Variants in PPEF2 observed in about 807,000 individuals in gnomAD.
PPEF2 encodes the protein serine/threonine-protein phosphatase with EF-hands 2.
PPEF2 carries 84 observed loss-of-function variants against 84.7 expected under a neutral mutation model. That is an observed-to-expected ratio of 0.99 (90% CI 0.83 to 1.19). The LOEUF (loss-of-function observed/expected upper bound fraction) is 1.19, where lower values mean the gene tolerates loss of function less well. Ranked by LOEUF, PPEF2 falls within the 50% of genes most tolerant of loss-of-function variation. The pLI, the probability that PPEF2 is intolerant of heterozygous loss-of-function variation, is 0.00. For missense variants in PPEF2, 924 were observed against 937.5 expected, an observed-to-expected ratio of 0.99 and a Z score of 0.19; for synonymous variants, 346 against 345.2, an observed-to-expected ratio of 1.00 and a Z score of -0.03.
At chr4:75,896,958 C>A (rs569613208) in intron 1 of PPEF2, among the ~76,000 whole-genome samples, 4 of 152,070 alleles carry the variant, frequency 2.6e-5, no homozygotes, top group Non-Finnish European at 4.4e-5. Flanking sequence ...AATCTTGGCT[C>A]CCTGCGAGCT....
intron 7 of PPEF2, among the ~76,000 whole-genome samples, chr4:75,885,249 G>A (rs1306900188): frequency 1.3e-5 from 2 of 152,046 alleles, no homozygotes; most frequent in Non-Finnish European, 2.9e-5. Context: ...AATAGCTTTT[G>A]GTTGTTTTGA....
intron 10 of PPEF2, among the ~76,000 whole-genome samples, chr4:75,877,265 A>G (rs1239379023): frequency 6.6e-6 from 1 of 151,926 alleles, no homozygotes; most frequent in Non-Finnish European, 1.5e-5. Context: ...TGAACCCGGG[A>G]GGCGGAGGTT....
Position 75,864,521 on chromosome 4 carries a change from G to C in PPEF2, c.1927C>G (p.Gln643Glu). ...AKEQLSRENI[Q>E]SSLLETLYRN... ...TACAATGTTTCCAGCAAACTTGATT[G>C]TATGTTCTGCAAGAAAAAATTCATT... The change falls in exon 16 of 17, where the codon CAA (glutamine) becomes GAA (glutamate). Residue 643 changes from glutamine to glutamate, a missense_variant. Coordinates refer to ENST00000286719, the MANE Select transcript of PPEF2 (RefSeq NM_006239.3). The C allele has an allele frequency of 6.2e-7, 1 of 1,610,652 alleles. No individual in the cohort carries two copies. Among genetic ancestry groups the C allele is most frequent in the East Asian group, 2.2e-5 (1 of 44,832 alleles).
chr4:75,872,991 T>C (rs149712092), intron 12 of PPEF2, 136 bp downstream of exon 12: 12 of 802,110 alleles, frequency 1.5e-5, no homozygotes, highest in Admixed American at 3.1e-5. Context: ...AAGGACCTAG[T>C]TGCTTTGAGC....
At chr4:75,880,080 G>C (rs893358282) in intron 10 of PPEF2, among the ~76,000 whole-genome samples, 1 of 152,004 alleles carries the variant, frequency 6.6e-6, no homozygotes, top group Non-Finnish European at 1.5e-5. Context: ...CGCCCGCCTC[G>C]GCCTCCCAAA....
At position 75,891,784 on chromosome 4, in the gene PPEF2, T is replaced by C. The variant is rs538649815; in HGVS notation, c.183+67A>G. 47 of 1,597,014 alleles carry C rather than the reference T, an allele frequency of 2.9e-5. No individual in the cohort carries two copies. In the African/African-American group the frequency reaches 5.8e-4, roughly 20 times the overall value. On this transcript the variant is annotated intron_variant, in intron 3 of 16. Transcript: ENST00000286719. ...ACAAGTAGTCCAGTTGGCCTCACTT[T>C]AGGAGCACCCGAGCCCTGCTGCCCA...
chr4:75,888,018 C>T (rs1235340916), intron 6 of PPEF2, among the ~76,000 whole-genome samples, 196 bp downstream of exon 6: 1 of 152,144 alleles, frequency 6.6e-6, no homozygotes, highest in African/African-American at 2.4e-5. Context: ...GCCCTGAGGT[C>T]CATGATCCCC....
intron 1 of PPEF2, among the ~76,000 whole-genome samples, chr4:75,897,494 C>G (rs1463923183): frequency 3.3e-5 from 5 of 152,086 alleles, no homozygotes; most frequent in African/African-American, 1.2e-4. Flanking sequence ...CCAAACAGAA[C>G]CCATCTTCCA....
In PPEF2 at chr4:75,860,898, G is replaced by A. The variant is rs1224583330; in HGVS notation, c.2031C>T (p.Phe677=). Residue 677 remains phenylalanine, a synonymous_variant, in exon 17 of 17, where the codon TTC becomes TTT. Transcript: ENST00000286719. ...AGCTGAACAGCTTCCAGGTCTGCCTGAACTCGTCCAGTGAGATGAACCCTT... is the reference window on the plus strand; with the variant it reads ...AGCTGAACAGCTTCCAGGTCTGCCTAAACTCGTCCAGTGAGATGAACCCTT... The part of the protein sequence containing the change: ...DHSGFISLDE[F]RQTWKLFSSH... The A allele has an allele frequency of 6.2e-7, 1 of 1,614,084 alleles. No individual in the cohort carries two copies. The highest frequency in any genetic ancestry group is 2.2e-5 in the East Asian group (1 of 44,906).
Position 75,889,984 on chromosome 4 carries a change from G to A in PPEF2, c.390C>T (p.Ala130=). 6.2e-7 allele frequency: 1 copy of A among 1,614,096 alleles called. No homozygotes were observed. The highest frequency in any genetic ancestry group is 8.5e-7 in the Non-Finnish European group (1 of 1,180,018). ...GTTTCAGTCTGAATGCTTCTACCAG[G>A]GCAGTTGCATGGTCAGGCAGGAGTG... is the stretch of plus-strand genomic sequence containing the variant. The part of the protein sequence containing the change: ...SFPLLPDHAT[A]LVEAFRLKQQ... The change falls in exon 5 of 17, where the codon GCC becomes GCT. Residue 130 remains alanine (A), a synonymous_variant. Coordinates refer to ENST00000286719, the MANE Select transcript of PPEF2 (RefSeq NM_006239.3).
At chr4:75,877,381 AG>A (rs1724455107) in intron 10 of PPEF2, among the ~76,000 whole-genome samples, 2 of 7,528 alleles carry the variant, frequency 2.7e-4, no homozygotes, top group East Asian at 0.1. Flanking sequence ...AAAGAAAGAG[AG>A]AAAGAAAGAA....
At chr4:75,872,884 A>T (rs940629590) in intron 12 of PPEF2, among the ~76,000 whole-genome samples, 9 of 152,210 alleles carry the variant, frequency 5.9e-5, no homozygotes, top group African/African-American at 2.2e-4. Flanking sequence ...TTCCATTCAT[A>T]AAATGGGACC....
rs139329932 is a variant in PPEF2, at chr4:75,861,503, TAA to T, written c.2009-585_2009-584del. On this transcript the variant is annotated intron_variant, in intron 16 of 16. Coordinates refer to ENST00000286719, the MANE Select transcript of PPEF2 (RefSeq NM_006239.3). Reference sequence around the variant, plus strand: ...AGCTAGATACCTACCTAACACTATATAAAAAAAACTAACTCTATATGGATCAA... The same window carrying T: ...AGCTAGATACCTACCTAACACTATATAAAAAACTAACTCTATATGGATCAA... 7.6e-5 allele frequency among the ~76,000 whole-genome samples: 11 copies of T among 144,966 alleles called. No homozygotes were observed. In the Admixed American group the frequency reaches 8.1e-4, roughly 11 times the overall value.
Position 75,876,497 on chromosome 4 carries a change from G to A in PPEF2, c.1110C>T (p.Ser370=), listed in dbSNP as rs776220516. The change falls in exon 11 of 17, where the codon AGC becomes AGT. Residue 370 remains serine, a synonymous_variant. Coordinates refer to ENST00000286719, the MANE Select transcript of PPEF2 (RefSeq NM_006239.3). Reference sequence around the variant, plus strand: ...CGCTGCAGGGGATGCTGGAGGACCTGCTGGTTTTCTGGGCCTTGTAGGAGC... The same window carrying A: ...CGCTGCAGGGGATGCTGGAGGACCTACTGGTTTTCTGGGCCTTGTAGGAGC... ...RLGSYKAQKT[S]RSSSIPCSGS... is the part of the protein sequence containing the mutation. 3.7e-6 allele frequency: 6 copies of A among 1,613,898 alleles called. No individual in the cohort carries two copies. The East Asian group carries it at 1.3e-4, about 36-fold the overall frequency.
At chr4:75,893,423 G>T (rs998225578) in intron 2 of PPEF2, among the ~76,000 whole-genome samples, 6 of 152,088 alleles carry the variant, frequency 3.9e-5, no homozygotes, top group Non-Finnish European at 5.9e-5. Flanking sequence ...ATTTGAACCT[G>T]GGAGGCAGAG....
chr4:75,886,617 G>A (rs1243682765), intron 7 of PPEF2, among the ~76,000 whole-genome samples: 4 of 152,180 alleles, frequency 2.6e-5, no homozygotes, highest in African/African-American at 9.7e-5. Flanking sequence ...CTACTCGGGA[G>A]GCTGAGGTGG....
At chr4:75,877,945 C>T (rs754598479) in intron 10 of PPEF2, among the ~76,000 whole-genome samples, 2 of 152,182 alleles carry the variant, frequency 1.3e-5, no homozygotes, top group Admixed American at 6.5e-5. Flanking sequence ...GAAAGGGCAA[C>T]TCTGTCTCAG....
At position 75,890,081 on chromosome 4, in the gene PPEF2, T is replaced by C. The variant is rs376254311; in HGVS notation, c.293A>G (p.Glu98Gly). The C allele has an allele frequency of 1.7e-4, 278 of 1,613,994 alleles. No individual in the cohort carries two copies. Among genetic ancestry groups the C allele is most frequent in the Non-Finnish European group, 2.3e-4 (269 of 1,180,032 alleles). The change falls in exon 5 of 17, where the codon GAG (glutamate) becomes GGG (glycine). Residue 98 changes from glutamate to glycine, a missense_variant. By Grantham distance (98) the Glu-to-Gly change is moderately conservative. Transcript: ENST00000286719. ...TTCATAGTCACTGCATTTCTTCATCTCGGAGTCCTGGGCGAATCTGTCCTC... is the reference window on the plus strand; with the variant it reads ...TTCATAGTCACTGCATTTCTTCATCCCGGAGTCCTGGGCGAATCTGTCCTC... ...FTEDRFAQDSEMKKCSDYESI... is the reference protein window; with the variant it reads ...FTEDRFAQDSGMKKCSDYESI...
At chr4:75,891,799 C>G in intron 3 of PPEF2, 52 bp downstream of exon 3, 1 of 1,598,186 alleles carries the variant, frequency 6.3e-7, no homozygotes, top group Non-Finnish European at 8.6e-7. Flanking sequence ...GCACCCGAGC[C>G]CTGCTGCCCA....
Sources: allele counts gnomAD v4.1 joint callset (sites outside exome capture counted in the v4.1 genomes callset), GRCh38; gene constraint gnomAD v4.1.1; transcripts MANE v1.5; gene names NCBI Gene and HGNC (gene_info 2026-07-23, HGNC 2026-07-21).